Variants in GAL3ST2 observed in about 807,000 individuals in gnomAD.
GAL3ST2 encodes the protein galactose-3-O-sulfotransferase 2.
A neutral mutation model predicts 12.9 loss-of-function variants in GAL3ST2; 16 were observed. That is an observed-to-expected ratio of 1.24 (90% CI 0.84 to 1.88). The LOEUF is 1.88. Among genes scored for constraint, GAL3ST2 ranks in the 40% most tolerant of loss-of-function variants. GAL3ST2 has a pLI of 0.00. For missense variants in GAL3ST2, 639 were observed against 571.8 expected, an observed-to-expected ratio of 1.12 and a Z score of -1.20; for synonymous variants, 302 against 273.9, an observed-to-expected ratio of 1.10 and a Z score of -1.01.
At chr2:241,779,214 A>ATTTT (rs56979777) in intron 1 of GAL3ST2, among the ~76,000 whole-genome samples, 1 of 54,550 alleles carries the variant, frequency 1.8e-5, no homozygotes, top group Non-Finnish European at 3.3e-5. Flanking sequence ...AGGAAAGCTC[A>ATTTT]TTTTTTTTTT....
chr2:241,787,964 A>AG (rs1157282803), intron 1 of GAL3ST2, among the ~76,000 whole-genome samples: 3 of 152,182 alleles, frequency 2.0e-5, no homozygotes, highest in Non-Finnish European at 4.4e-5. Context: ...GCAGCTGCAA[A>AG]GGGGGAAGAA....
chr2:241,804,077 G>C lies in GAL3ST2; in HGVS notation c.1108G>C (p.Val370Leu), dbSNP rs950550096. The C allele has an allele frequency of 6.5e-7, 1 of 1,543,484 alleles. No homozygotes were observed. The highest frequency in any genetic ancestry group is 1.4e-5 in the African/African-American group (1 of 71,874). ...GACGCTGGGCGTGTGCCAGAGGCTT[G>C]TGATGCCTGAGCTCCAGTACATGGC... ...NQTLGVCQRL[V>L]MPELQYMARL... The change falls in exon 4 of 4, where the codon GTG becomes CTG. Residue 370 changes from valine (V) to leucine (L), a missense_variant. By Grantham distance (32) the Val-to-Leu change is conservative. Coordinates refer to ENST00000192314, the MANE Select transcript of GAL3ST2 (RefSeq NM_022134.3).
chr2:241,795,674 A>G lies in GAL3ST2; in HGVS notation c.30-3391A>G, dbSNP rs1163925109. ...GGGAGGGTCTTGGGAAGTCCGCAGA[A>G]GTGGCCCAATGGCAGAGCAGGAGCT... On this transcript the variant is annotated intron_variant, in intron 1 of 3. Coordinates refer to ENST00000192314, the MANE Select transcript of GAL3ST2 (RefSeq NM_022134.3). The surrounding 1 kb of genome is among the most constrained non-coding windows in gnomAD (Gnocchi z 4.5). 6.6e-6 allele frequency among the ~76,000 whole-genome samples: 1 copy of G among 152,228 alleles called. No homozygotes were observed. The highest frequency in any genetic ancestry group is 1.5e-5 in the Non-Finnish European group (1 of 68,034).
rs1289271915 is a variant in GAL3ST2, at chr2:241,802,656, C to G, written c.375+620C>G. ...GCGGGGCAGAGGGAGGAGGAGGGGC[C>G]GGGAGGAGGGGAAAGGAAGAGGGTG... On this transcript the variant is annotated intron_variant, in intron 3 of 3. Coordinates refer to ENST00000192314, the MANE Select transcript of GAL3ST2 (RefSeq NM_022134.3). The surrounding 1 kb of genome is among the most constrained non-coding windows in gnomAD (Gnocchi z 4.8). Among the ~76,000 whole-genome samples the G allele has an allele frequency of 1.2e-4, 4 of 32,228 alleles. No homozygotes were observed. Among genetic ancestry groups the G allele is most frequent in the Non-Finnish European group, 2.4e-4 (4 of 16,684 alleles). 21.1% of individuals were successfully genotyped at this position (32,228 alleles called of 152,430 possible).
chr2:241,776,883 C>A lies in GAL3ST2; in HGVS notation c.-73C>A. The stretch of plus-strand genomic sequence containing the variant: ...TGCACCCTGGGGAGCCCAGAGCCGG[C>A]AGGGGCCGAGGCGGTGGGACCTCGG... On this transcript the variant is annotated 5_prime_UTR_variant, in exon 1 of 4. Transcript: ENST00000192314. 7.6e-7 allele frequency: 1 copy of A among 1,320,308 alleles called. No homozygotes were observed. The highest frequency in any genetic ancestry group is 9.9e-7 in the Non-Finnish European group (1 of 1,007,902). The allele number at this position is 1,320,308 out of a possible 1,614,324, so 81.8% of individuals were successfully genotyped here.
chr2:241,800,137 C>T lies in GAL3ST2; in HGVS notation c.119+983C>T, dbSNP rs1699823054. 6.6e-6 allele frequency among the ~76,000 whole-genome samples: 1 copy of T among 152,042 alleles called. No homozygotes were observed. Among genetic ancestry groups the T allele is most frequent in the Non-Finnish European group, 1.5e-5 (1 of 68,008 alleles). ...GGGATGGGTCTGAGGACACTGTCTC[C>T]GTGGGGCCCTGAGGCTGGGGCTGAG... On this transcript the variant is annotated intron_variant, in intron 2 of 3. Transcript: ENST00000192314. The surrounding 1 kb of genome is among the most constrained non-coding windows in gnomAD (Gnocchi z 5.2).
rs926671221 is a variant in GAL3ST2 at position 241,793,684 on chromosome 2, T to C, written c.30-5381T>C. On this transcript the variant is annotated intron_variant, in intron 1 of 3. Coordinates refer to ENST00000192314, the MANE Select transcript of GAL3ST2 (RefSeq NM_022134.3). This position sits in a 1 kb window ranked among gnomAD's most constrained non-coding sequence, Gnocchi z 4.7. ...TGTGTGTGTATGCACATATTGTGTA[T>C]GTGTGTGTATATGTGTATGTACGTA... Among the ~76,000 whole-genome samples, 2 of 151,570 alleles carry C rather than the reference T, an allele frequency of 1.3e-5. No individual in the cohort carries two copies. The highest frequency in any genetic ancestry group is 4.8e-5 in the African/African-American group (2 of 41,284).
chr2:241,789,433 T>C (rs1010466550), intron 1 of GAL3ST2, among the ~76,000 whole-genome samples: 1 of 152,260 alleles, frequency 6.6e-6, no homozygotes, highest in South Asian at 2.1e-4. Context: ...TACCTTACTA[T>C]GTAAATTTTG....
intron 1 of GAL3ST2, among the ~76,000 whole-genome samples, chr2:241,787,761 G>GTC (rs1168069432): frequency 1.3e-5 from 2 of 152,066 alleles, no homozygotes; most frequent in Non-Finnish European, 2.9e-5. Flanking sequence ...CTTGGCTAAC[G>GTC]TGACAACCAG....
At chr2:241,786,338 C>T (rs1405651023) in intron 1 of GAL3ST2, among the ~76,000 whole-genome samples, 1 of 151,982 alleles carries the variant, frequency 6.6e-6, no homozygotes, top group African/African-American at 2.4e-5. Flanking sequence ...GTAAAACAAG[C>T]AATCACACAA....
At position 241,799,173 on chromosome 2, in the gene GAL3ST2, A is replaced by AT. The variant is rs762462588; in HGVS notation, c.119+20dup. 4 of 1,608,768 alleles carry AT rather than the reference A, an allele frequency of 2.5e-6. No homozygotes were observed. The African/African-American group carries it at 4.0e-5, about 16-fold the overall frequency. On this transcript the variant is annotated intron_variant, in intron 2 of 3. Coordinates refer to ENST00000192314, the MANE Select transcript of GAL3ST2 (RefSeq NM_022134.3). ...ACACACCGTAAGTCCTGCCCCCACCATAAGTCCTGCCCCGGGTACCTCCTA... is the reference window on the plus strand; with the variant it reads ...ACACACCGTAAGTCCTGCCCCCACCATTAAGTCCTGCCCCGGGTACCTCCTA...
At chr2:241,798,967 C>T (rs1223683966) in intron 1 of GAL3ST2, 98 bp from the exon 2 acceptor site, 1 of 938,446 alleles carries the variant, frequency 1.1e-6, no homozygotes, top group Non-Finnish European at 1.7e-6. Flanking sequence ...GAGGCCCAGA[C>T]CTGTGTGGCC....
intron 1 of GAL3ST2, among the ~76,000 whole-genome samples, chr2:241,785,186 CAAG>C (rs1699613628): frequency 6.6e-6 from 1 of 152,070 alleles, no homozygotes; most frequent in African/African-American, 2.4e-5. Context: ...TGTAAAAACC[CAAG>C]AGTAGCCTGT....
rs937183593 is a variant in GAL3ST2 at position 241,788,052 on chromosome 2, A to G, written c.30-11013A>G. 1.2e-4 allele frequency among the ~76,000 whole-genome samples: 19 copies of G among 152,270 alleles called. No individual in the cohort carries two copies. The East Asian group carries it at 1.5e-3, about 12-fold the overall frequency. On this transcript the variant is annotated intron_variant, in intron 1 of 3. Coordinates refer to ENST00000192314, the MANE Select transcript of GAL3ST2 (RefSeq NM_022134.3). ...CCTTCATTTACTTTTCTTCCACCCC[A>G]TACCTCCTTCCCCCTTTGCCATCTC...
intron 1 of GAL3ST2, among the ~76,000 whole-genome samples, chr2:241,788,909 A>G (rs1699659824): frequency 6.6e-6 from 1 of 152,112 alleles, no homozygotes; most frequent in South Asian, 2.1e-4. Flanking sequence ...AACCTAGGCC[A>G]CAGCTCAGTT....
chr2:241,803,214 C>T, intron 3 of GAL3ST2, 131 bp from the exon 4 acceptor site: 1 of 726,176 alleles, frequency 1.4e-6, no homozygotes, highest in Non-Finnish European at 2.2e-6. Flanking sequence ...GCGCCAGGCC[C>T]AGGTTCCTCG....
chr2:241,794,994 C>T (rs79760109), intron 1 of GAL3ST2, among the ~76,000 whole-genome samples: 3,387 of 152,198 alleles, frequency 0.022, 195 homozygotes, highest in East Asian at 0.14. Flanking sequence ...GTGCACAATT[C>T]GCTGGTTTCT....
At chr2:241,797,211 G>A (rs996538751) in intron 1 of GAL3ST2, among the ~76,000 whole-genome samples, 1 of 152,166 alleles carries the variant, frequency 6.6e-6, no homozygotes, top group Non-Finnish European at 1.5e-5. Flanking sequence ...TACCCTCTTG[G>A]TTTTGTGTCT....
intron 1 of GAL3ST2, among the ~76,000 whole-genome samples, chr2:241,777,328 C>T (rs964035295): frequency 6.6e-6 from 1 of 152,194 alleles, no homozygotes; most frequent in African/African-American, 2.4e-5. Context: ...CAGCCTCGGT[C>T]TGCGGCTCAG....
Sources: gnomAD v4.1 joint callset for allele counts (sites outside exome capture counted in the v4.1 genomes callset) on GRCh38, gnomAD v4.1.1 for gene constraint, Gnocchi (gnomAD v3.1) non-coding constraint, MANE v1.5 for transcripts, NCBI Gene and HGNC (gene_info 2026-07-23, HGNC 2026-07-21) for gene names.